APBB1: variants seen among roughly 807,000 people sequenced by gnomAD.
The protein encoded by APBB1 is amyloid beta precursor protein binding family B member 1.
APBB1 carries 22 observed loss-of-function variants against 78.4 expected under a neutral mutation model. The observed-to-expected ratio is 0.28, with a 90% CI of 0.20 to 0.40. The LOEUF is 0.40. APBB1 is among the 10% of genes least tolerant of loss of function. The pLI, the probability that APBB1 is intolerant of heterozygous loss-of-function variation, is 1.00. For synonymous variants in APBB1, 369 were observed against 372.7 expected, an observed-to-expected ratio of 0.99 and a Z score of 0.12; for missense variants, 749 against 932.4, an observed-to-expected ratio of 0.80 and a Z score of 2.56.
Position 6,396,889 on chromosome 11 carries a change from C to G in APBB1, c.1673-674G>C, listed in dbSNP as rs1419948381. 2.0e-5 allele frequency among the ~76,000 whole-genome samples: 3 copies of G among 152,160 alleles called. 1 individual carries two copies. The highest frequency in any genetic ancestry group is 1.3e-4 in the Admixed American group (2 of 15,268). On this transcript the variant is annotated intron_variant, in intron 12 of 14. Transcript: ENST00000609360. ...TTCTCTATATTACTAGTTTTCAGAA[C>G]TAGAAGGGCTTTCAAGATCTTAGTT...
Position 6,406,214 on chromosome 11 carries a change from G to A in APBB1, c.722-2392C>T, listed in dbSNP as rs138371907. On this transcript the variant is annotated intron_variant, in intron 2 of 14. Transcript: ENST00000609360. ...CCTTCACTCCTGCATCGATTCATGC[G>A]ACACTTACATATAAAATACATTAAA... 3.9e-5 allele frequency among the ~76,000 whole-genome samples: 6 copies of A among 152,236 alleles called. No homozygotes were observed. The East Asian group carries it at 7.7e-4, about 20-fold the overall frequency.
At chr11:6,406,508 C>T (rs1295793635) in intron 2 of APBB1, among the ~76,000 whole-genome samples, 1 of 152,176 alleles carries the variant, frequency 6.6e-6, no homozygotes, top group African/African-American at 2.4e-5. Context: ...TTCTGAGATG[C>T]TAAACTAATC....
At chr11:6,402,476 C>T in intron 7 of APBB1, 100 bp downstream of exon 7, 1 of 1,361,196 alleles carries the variant, frequency 7.3e-7, no homozygotes, top group Admixed American at 1.8e-5. Context: ...CCAATATCCC[C>T]CTTCCCCAGC....
chr11:6,409,652 C>T lies in APBB1; in HGVS notation c.721+975G>A, dbSNP rs1034570246. Among the ~76,000 whole-genome samples, 10 of 146,350 alleles carry T rather than the reference C, an allele frequency of 6.8e-5. 1 individual carries two copies. The highest frequency in any genetic ancestry group is 1.0e-4 in the Non-Finnish European group (7 of 67,992). On this transcript the variant is annotated intron_variant, in intron 2 of 14. Coordinates refer to ENST00000609360, the MANE Select transcript of APBB1 (RefSeq NM_001164.5). ...CAGTTTGGGGTATGGGTATTGTGTC[C>T]GCCACCTGGTAAGGATAGGGGTCTT...
Position 6,411,918 on chromosome 11 carries a change from C to A in APBB1, c.-14-557G>T, listed in dbSNP as rs1470262747. 6.6e-6 allele frequency among the ~76,000 whole-genome samples: 1 copy of A among 152,240 alleles called. No homozygotes were observed. Among genetic ancestry groups the A allele is most frequent in the Admixed American group, 6.5e-5 (1 of 15,288 alleles). Reference sequence around the variant, plus strand: ...GGACAGGAGCAAATAAGCTGCAGAACCAGCCCTACAGGGCATGGCACTGGA... The same window carrying A: ...GGACAGGAGCAAATAAGCTGCAGAAACAGCCCTACAGGGCATGGCACTGGA... On this transcript the variant is annotated intron_variant, in intron 1 of 14. Coordinates refer to ENST00000609360, the MANE Select transcript of APBB1 (RefSeq NM_001164.5). The surrounding 1 kb of genome is among the most constrained non-coding windows in gnomAD (Gnocchi z 5.2).
rs780962299 is a variant in APBB1 at position 6,410,735 on chromosome 11, T to C, written c.613A>G (p.Ser205Gly). 1.3e-6 allele frequency: 2 copies of C among 1,569,608 alleles called. No homozygotes were observed. The highest frequency in any genetic ancestry group is 1.7e-6 in the Non-Finnish European group (2 of 1,157,680). Residue 205 changes from serine to glycine, a missense_variant, in exon 2 of 15, where the codon AGT (serine) becomes GGT (glycine). Ser to Gly is a moderately conservative substitution (Grantham distance 56). Around this residue, in one of 3 missense-constraint regions of APBB1, gnomAD observed 635 missense variants for 765.0 expected, o/e 0.83. Transcript: ENST00000609360. ...LTDGPREHSK[S>G]ASLLFGMRNS... ...CGCATGCCAAACAGGAGGCTGGCACTCTTGCTGTGTTCCCGGGGGCCATCT... is the reference window on the plus strand; with the variant it reads ...CGCATGCCAAACAGGAGGCTGGCACCCTTGCTGTGTTCCCGGGGGCCATCT...
chr11:6,403,469 A>T lies in APBB1; in HGVS notation c.954+19T>A. ...CCCTCCTCCAGCTATCCCGTGGTAA[A>T]GCAGGTCCCCTTACCCACCTTCCAA... On this transcript the variant is annotated intron_variant, in intron 4 of 14. Coordinates refer to ENST00000609360, the MANE Select transcript of APBB1 (RefSeq NM_001164.5). The surrounding 1 kb of genome is among the most constrained non-coding windows in gnomAD (Gnocchi z 5.3). 1 of 1,614,198 alleles carries T rather than the reference A, an allele frequency of 6.2e-7. No individual in the cohort carries two copies. The highest frequency in any genetic ancestry group is 2.2e-5 in the East Asian group (1 of 44,878).
intron 1 of APBB1, among the ~76,000 whole-genome samples, chr11:6,413,434 AC>A (rs1181125493): frequency 4.7e-5 from 7 of 150,226 alleles, no homozygotes; most frequent in Admixed American, 2.7e-4. Flanking sequence ...ACTCACCACT[AC>A]CCCCCTTCCC....
chr11:6,405,497 C>A (rs1309505640), intron 2 of APBB1: 6 of 986,656 alleles, frequency 6.1e-6, no homozygotes, highest in Admixed American at 1.2e-4. Context: ...AACCAGGAAT[C>A]CTGACTGGTC....
At chr11:6,409,648 T>A (rs1224794492) in intron 2 of APBB1, among the ~76,000 whole-genome samples, 1 of 146,384 alleles carries the variant, frequency 6.8e-6, no homozygotes, top group African/African-American at 2.8e-5. Flanking sequence ...ATGGGTATTG[T>A]GTCCGCCACC....
At chr11:6,407,002 T>A (rs1349653643) in intron 2 of APBB1, among the ~76,000 whole-genome samples, 1 of 152,252 alleles carries the variant, frequency 6.6e-6, no homozygotes, top group African/African-American at 2.4e-5. Context: ...ATACAGGTAG[T>A]AAAGTTTATT....
intron 8 of APBB1, 22 bp from the exon 9 acceptor site, chr11:6,402,004 A>G (rs377152295): frequency 1.7e-5 from 27 of 1,587,322 alleles, no homozygotes; most frequent in Non-Finnish European, 2.3e-5. Flanking sequence ...AGCACAAGAG[A>G]GGCAAATAAC....
At chr11:6,404,163 G>A (rs1030270088) in intron 2 of APBB1, 5 of 351,588 alleles carry the variant, frequency 1.4e-5, no homozygotes, top group East Asian at 4.6e-5. Context: ...CAGTTAACAC[G>A]AAGGTGAACA....
At chr11:6,413,551 G>C (rs1432979550) in intron 1 of APBB1, among the ~76,000 whole-genome samples, 1 of 152,154 alleles carries the variant, frequency 6.6e-6, no homozygotes, top group Non-Finnish European at 1.5e-5. Flanking sequence ...CACGATCTCA[G>C]CTCACTGCAA....
At position 6,401,637 on chromosome 11, in the gene APBB1, G is replaced by T; in HGVS notation, c.1440C>A (p.His480Gln). 6.2e-7 allele frequency: 1 copy of T among 1,614,200 alleles called. No individual in the cohort carries two copies. ...TGGCAGGTGCCTCACAGCGAAACAC[G>T]TGGCACTTGAGCATCTGGGTCAGCT... is the stretch of plus-strand genomic sequence containing the variant. ...RDKLTQMLKCHVFRCEAPAKN... is the reference protein window; with the variant it reads ...RDKLTQMLKCQVFRCEAPAKN... The change falls in exon 10 of 15, where the codon CAC becomes CAA. Residue 480 changes from histidine (H) to glutamine (Q), a missense_variant. Coordinates refer to ENST00000609360, the MANE Select transcript of APBB1 (RefSeq NM_001164.5). This position sits in a 1 kb window ranked among gnomAD's most constrained non-coding sequence, Gnocchi z 4.5.
chr11:6,418,878 C>T, intron 1 of APBB1, 107 bp downstream of exon 1: 1 of 361,010 alleles, frequency 2.8e-6, no homozygotes, highest in Non-Finnish European at 4.9e-6. Context: ...GGGATGGGGC[C>T]GGCCGGGGGA....
At chr11:6,406,085 C>G (rs1848788551) in intron 2 of APBB1, among the ~76,000 whole-genome samples, 1 of 152,208 alleles carries the variant, frequency 6.6e-6, no homozygotes, top group African/African-American at 2.4e-5. Flanking sequence ...TTTCTCCCCC[C>G]TTGGCCATCT....
rs754288385 is a variant in APBB1, at chr11:6,410,859, ATCCTCC to A, written c.483_488del (p.Glu161_Glu162del). ...CCTCCTCCTCCTCTTCATCATCATC[ATCCTCC>A]TCCTCCTCCTCGGCCTCCCCGGCCG... On this transcript the variant is annotated inframe_deletion, in exon 2 of 15. Coordinates refer to ENST00000609360, the MANE Select transcript of APBB1 (RefSeq NM_001164.5). The A allele has an allele frequency of 1.1e-5, 18 of 1,610,656 alleles. No individual in the cohort carries two copies. Among genetic ancestry groups the A allele is most frequent in the Non-Finnish European group, 1.5e-5 (18 of 1,177,866 alleles).
intron 1 of APBB1, among the ~76,000 whole-genome samples, chr11:6,416,671 G>A (rs959183258): frequency 2.0e-5 from 3 of 151,852 alleles, no homozygotes; most frequent in African/African-American, 7.3e-5. Context: ...TTTCCTCTCT[G>A]AGAAAAATTT....
Sources: gnomAD v4.1 joint callset for allele counts (sites outside exome capture counted in the v4.1 genomes callset) on GRCh38, gnomAD v4.1.1 for gene constraint, gnomAD v4.1.1 regional missense constraint, Gnocchi (gnomAD v3.1) non-coding constraint, MANE v1.5 for transcripts, NCBI Gene and HGNC (gene_info 2026-07-23, HGNC 2026-07-21) for gene names.